Variants in NKAIN3 observed in about 807,000 individuals in gnomAD.
The protein encoded by NKAIN3 is sodium/potassium-transporting ATPase subunit beta-1-interacting protein 3.
A neutral mutation model predicts 30.2 loss-of-function variants in NKAIN3; 25 were observed. The ratio of observed to expected loss-of-function variants is 0.83; its 90% CI spans 0.60 to 1.16. The LOEUF is 1.16. Ranked by LOEUF, NKAIN3 falls within the 50% of genes most tolerant of loss-of-function variation. The pLI is 0.00. For missense variants in NKAIN3, 225 were observed against 254.1 expected (o/e 0.89, Z 0.78); for synonymous variants, 91 against 89.6 (o/e 1.02, Z -0.09).
chr8:62,905,018 A>G (rs745919759), intron 4 of NKAIN3, among the ~76,000 whole-genome samples: 20 of 152,148 alleles, frequency 1.3e-4, no homozygotes, highest in Non-Finnish European at 2.8e-4. Flanking sequence ...ACCTACTTAG[A>G]AGATAACGAA....
chr8:62,994,178 A>AT (rs1413872906), intron 5 of NKAIN3, among the ~76,000 whole-genome samples: 6 of 152,230 alleles, frequency 3.9e-5, no homozygotes, highest in Non-Finnish European at 8.8e-5. Context: ...TCATCGAAGC[A>AT]TTTTGGTAGT....
chr8:62,401,650 C>G (rs984623890), intron 1 of NKAIN3, among the ~76,000 whole-genome samples: 1 of 152,068 alleles, frequency 6.6e-6, no homozygotes, highest in Non-Finnish European at 1.5e-5. Flanking sequence ...TAGGAGGAAC[C>G]CCACGCCCAG....
intron 3 of NKAIN3, among the ~76,000 whole-genome samples, chr8:62,688,157 C>T (rs1813853894): frequency 6.6e-6 from 1 of 152,138 alleles, no homozygotes; most frequent in Non-Finnish European, 1.5e-5. Flanking sequence ...TAAGAGAGTG[C>T]ATTCCTTCAA....
At chr8:62,926,204 T>C (rs541148963) in intron 5 of NKAIN3, among the ~76,000 whole-genome samples, 2 of 152,292 alleles carry the variant, frequency 1.3e-5, no homozygotes, top group East Asian at 3.9e-4. Context: ...ATGAGGATCT[T>C]GTGCAATAGT....
intron 5 of NKAIN3, chr8:62,990,109 T>C (rs1824290481): frequency 1.2e-5 from 10 of 828,132 alleles, no homozygotes; most frequent in South Asian, 7.2e-5. Flanking sequence ...ATCATTTCAA[T>C]CTAATAAGAT....
intron 4 of NKAIN3, among the ~76,000 whole-genome samples, chr8:62,883,745 C>G (rs925468428): frequency 6.6e-6 from 1 of 151,786 alleles, no homozygotes; most frequent in African/African-American, 2.4e-5. Context: ...TTGATTTTTG[C>G]TCTAATTTTT....
intron 4 of NKAIN3, among the ~76,000 whole-genome samples, chr8:62,829,669 A>G (rs758479522): frequency 2.0e-5 from 3 of 152,178 alleles, no homozygotes; most frequent in Non-Finnish European, 4.4e-5. Context: ...GACAAATTAA[A>G]TAAGAATGAT....
intron 4 of NKAIN3, among the ~76,000 whole-genome samples, chr8:62,901,467 G>A (rs1821611676): frequency 1.3e-5 from 2 of 152,146 alleles, no homozygotes; most frequent in Non-Finnish European, 2.9e-5. Flanking sequence ...GAGAGAGTGA[G>A]AAAGCTGATA....
At chr8:62,285,289 T>G (rs889334338) in intron 1 of NKAIN3, among the ~76,000 whole-genome samples, 2 of 152,194 alleles carry the variant, frequency 1.3e-5, no homozygotes, top group African/African-American at 2.4e-5. Context: ...GGTTGTATAT[T>G]TCATGATGAT....
At chr8:62,452,302 C>A (rs1290944094) in intron 1 of NKAIN3, among the ~76,000 whole-genome samples, 2 of 151,954 alleles carry the variant, frequency 1.3e-5, no homozygotes, top group Admixed American at 6.6e-5. Flanking sequence ...ATAGCGAAAC[C>A]ACATCTCTAC....
intron 4 of NKAIN3, among the ~76,000 whole-genome samples, chr8:62,896,613 C>A (rs1443898693): frequency 1.3e-5 from 2 of 152,154 alleles, no homozygotes; most frequent in Non-Finnish European, 2.9e-5. Context: ...CAAGGTGTAA[C>A]TTGTTGCTTT....
intron 1 of NKAIN3, among the ~76,000 whole-genome samples, chr8:62,341,715 G>GA (rs532833527): frequency 1.4e-3 from 203 of 149,190 alleles, no homozygotes; most frequent in Middle Eastern, 3.4e-3. Flanking sequence ...TTTAATGCCA[G>GA]AAAAAAAAAC....
intron 5 of NKAIN3, among the ~76,000 whole-genome samples, chr8:62,927,835 A>G (rs1241869102): frequency 3.3e-5 from 5 of 152,214 alleles, no homozygotes; most frequent in Admixed American, 2.6e-4. Flanking sequence ...AGCCAATAAA[A>G]CAGAAATGTT....
At chr8:62,255,510 C>T (rs564646158) in intron 1 of NKAIN3, among the ~76,000 whole-genome samples, 1 of 152,250 alleles carries the variant, frequency 6.6e-6, no homozygotes, top group Non-Finnish European at 1.5e-5. Flanking sequence ...AGTTGCTCCT[C>T]TTGTTTTAAG....
chr8:62,318,787 A>T (rs866910831), intron 1 of NKAIN3, among the ~76,000 whole-genome samples: 3 of 152,100 alleles, frequency 2.0e-5, no homozygotes, highest in African/African-American at 7.2e-5. Flanking sequence ...TGTTGGTCTA[A>T]AATTCTCTTT....
At chr8:62,575,322 C>G (rs978123125) in intron 1 of NKAIN3, among the ~76,000 whole-genome samples, 3 of 152,044 alleles carry the variant, frequency 2.0e-5, no homozygotes, top group Non-Finnish European at 4.4e-5. Flanking sequence ...TGTATGCCAA[C>G]AGCAAACAAT....
At chr8:62,455,304 C>A (rs537532731) in intron 1 of NKAIN3, among the ~76,000 whole-genome samples, 1 of 152,118 alleles carries the variant, frequency 6.6e-6, no homozygotes, top group African/African-American at 2.4e-5. Flanking sequence ...AAAGAAAGTG[C>A]GGTTCATGTA....
intron 3 of NKAIN3, among the ~76,000 whole-genome samples, chr8:62,670,840 A>G (rs2130386400): frequency 6.6e-6 from 1 of 151,484 alleles, no homozygotes; most frequent in African/African-American, 2.4e-5. Flanking sequence ...TAAAGTATGG[A>G]AATGGATTTC....
intron 1 of NKAIN3, among the ~76,000 whole-genome samples, chr8:62,389,415 T>C (rs1309452294): frequency 6.6e-6 from 1 of 152,146 alleles, no homozygotes; most frequent in African/African-American, 2.4e-5. Flanking sequence ...AAGACATGAC[T>C]TTTATATTAA....
Sources: allele counts gnomAD v4.1 joint callset (sites outside exome capture counted in the v4.1 genomes callset), GRCh38; gene constraint gnomAD v4.1.1; transcripts MANE v1.5; gene names NCBI Gene and HGNC (gene_info 2026-07-23, HGNC 2026-07-21).